Variants in GRM8 observed in about 807,000 individuals in gnomAD.
GRM8 encodes the protein glutamate metabotropic receptor 8, also known as metabotropic glutamate receptor 8.
A neutral mutation model predicts 87.2 loss-of-function variants in GRM8; 47 were observed. The observed-to-expected ratio is 0.54, with a 90% CI of 0.43 to 0.69. The LOEUF (loss-of-function observed/expected upper bound fraction) is 0.69, where lower values mean the gene tolerates loss of function less well. Ranked by LOEUF, GRM8 falls within the 30% of genes least tolerant of loss-of-function variation. The pLI is 0.00. For missense variants in GRM8, 1,019 were observed against 1,139.2 expected (o/e 0.89, Z 1.52); for synonymous variants, 396 against 404.5 (o/e 0.98, Z 0.25).
At chr7:127,038,224 T>C (rs943898429) in intron 3 of GRM8, among the ~76,000 whole-genome samples, 1 of 152,180 alleles carries the variant, frequency 6.6e-6, no homozygotes, top group African/African-American at 2.4e-5. Context: ...TAGCAAGATA[T>C]GCCTGGAAAT....
At chr7:126,718,939 T>C (rs1812069539) in intron 7 of GRM8, among the ~76,000 whole-genome samples, 1 of 152,256 alleles carries the variant, frequency 6.6e-6, no homozygotes, top group South Asian at 2.1e-4. Flanking sequence ...GTCTGTACCA[T>C]TATCTTTCAT....
At chr7:126,779,231 C>T (rs537467845) in intron 6 of GRM8, among the ~76,000 whole-genome samples, 1 of 151,988 alleles carries the variant, frequency 6.6e-6, no homozygotes, top group East Asian at 1.9e-4. Context: ...TTTCATTTTC[C>T]AAATTGTGAA....
At chr7:127,156,190 C>T (rs1587152647) in intron 2 of GRM8, among the ~76,000 whole-genome samples, 1 of 152,154 alleles carries the variant, frequency 6.6e-6, no homozygotes, top group East Asian at 1.9e-4. Context: ...TAGGCTGGGG[C>T]TATGCATATG....
chr7:126,992,558 G>A (rs747090990), intron 3 of GRM8, among the ~76,000 whole-genome samples: 4 of 151,950 alleles, frequency 2.6e-5, no homozygotes, highest in Non-Finnish European at 4.4e-5. Flanking sequence ...GTGGGCACAG[G>A]CAGTTCATTA....
At chr7:126,638,651 G>C (rs558850560) in intron 7 of GRM8, among the ~76,000 whole-genome samples, 6 of 152,230 alleles carry the variant, frequency 3.9e-5, no homozygotes, top group African/African-American at 1.4e-4. Flanking sequence ...AGGATAAAAA[G>C]CAATTGTCAA....
In GRM8 at chr7:126,847,232, GAAC is replaced by G. The variant is rs546180669; in HGVS notation, c.1156+55307_1156+55309del. On this transcript the variant is annotated intron_variant, in intron 6 of 10. Coordinates refer to ENST00000339582, the MANE Select transcript of GRM8 (RefSeq NM_000845.3). Reference sequence around the variant, plus strand: ...AACTGTTAATCAATTTGTTCTTATAGAACAACACTAGCTTTTTCCAGTTTTTGT... The same window carrying G: ...AACTGTTAATCAATTTGTTCTTATAGAACACTAGCTTTTTCCAGTTTTTGT... Among the ~76,000 whole-genome samples the G allele has an allele frequency of 3.3e-4, 51 of 152,246 alleles. 1 individual carries two copies. The East Asian group carries it at 9.3e-3, about 28-fold the overall frequency.
At chr7:126,844,412 T>C (rs566035671) in intron 6 of GRM8, among the ~76,000 whole-genome samples, 23 of 152,330 alleles carry the variant, frequency 1.5e-4, no homozygotes, top group African/African-American at 5.5e-4. Context: ...CAATCGTATA[T>C]AAATATGGAC....
chr7:126,849,829 C>G (rs1797045075), intron 6 of GRM8, among the ~76,000 whole-genome samples: 2 of 152,092 alleles, frequency 1.3e-5, no homozygotes. Context: ...CTTAGCCAAC[C>G]CTTCCACTTG....
At chr7:126,583,357 A>G (rs546343295) in intron 8 of GRM8, among the ~76,000 whole-genome samples, 1 of 150,210 alleles carries the variant, frequency 6.7e-6, no homozygotes, top group Admixed American at 6.6e-5. Flanking sequence ...ACTCTGTCTC[A>G]CACACACACA....
intron 3 of GRM8, among the ~76,000 whole-genome samples, chr7:127,099,534 C>A (rs1825015233): frequency 6.6e-6 from 1 of 152,166 alleles, no homozygotes; most frequent in African/African-American, 2.4e-5. Flanking sequence ...ATCACTTACC[C>A]CAGTCTGGAA....
At chr7:126,881,090 A>G (rs1476630191) in intron 6 of GRM8, among the ~76,000 whole-genome samples, 1 of 152,156 alleles carries the variant, frequency 6.6e-6, no homozygotes, top group South Asian at 2.1e-4. Context: ...TCTTTGATAT[A>G]TTTTCATATG....
chr7:127,146,598 AC>A (rs1354098131), intron 2 of GRM8, among the ~76,000 whole-genome samples: 1 of 152,054 alleles, frequency 6.6e-6, no homozygotes, highest in African/African-American at 2.4e-5. Context: ...GAATATGAGA[AC>A]CAGGACATAT....
At chr7:127,105,511 AC>A (rs1246980967) in intron 3 of GRM8, 3 of 152,178 alleles carry the variant, frequency 2.0e-5, no homozygotes, top group Non-Finnish European at 4.4e-5. Context: ...ATAACATCAG[AC>A]TTTTTGTCCT....
intron 3 of GRM8, among the ~76,000 whole-genome samples, chr7:126,979,748 A>T (rs1397609448): frequency 2.0e-5 from 3 of 152,208 alleles, no homozygotes; most frequent in Non-Finnish European, 4.4e-5. Flanking sequence ...CCTGGATCTC[A>T]CATAAGCTTG....
intron 2 of GRM8, among the ~76,000 whole-genome samples, chr7:127,116,144 T>C (rs1456467986): frequency 6.6e-6 from 1 of 152,206 alleles, no homozygotes; most frequent in Non-Finnish European, 1.5e-5. Context: ...GACTTTAATA[T>C]TCCAACTAAT....
At chr7:126,724,808 G>A (rs963520220) in intron 7 of GRM8, among the ~76,000 whole-genome samples, 10 of 151,398 alleles carry the variant, frequency 6.6e-5, no homozygotes, top group Non-Finnish European at 1.5e-4. Context: ...TACATCTCCT[G>A]TTATCTTCAA....
At chr7:127,176,747 G>A (rs767367229) in intron 2 of GRM8, among the ~76,000 whole-genome samples, 1 of 152,198 alleles carries the variant, frequency 6.6e-6, no homozygotes, top group Non-Finnish European at 1.5e-5. Context: ...CAATGGAGAA[G>A]CTGAAGGTCT....
Position 127,174,865 on chromosome 7 carries a change from G to A in GRM8, c.510+67830C>T, listed in dbSNP as rs568723503. Among the ~76,000 whole-genome samples the A allele has an allele frequency of 5.3e-5, 8 of 152,260 alleles. No homozygotes were observed. In the South Asian group the frequency reaches 1.5e-3, roughly 28 times the overall value. ...GTACGTAGGCTTCCATACTTCTGAA[G>A]CCTACATGTGAATGCTTATATTACA... is the stretch of plus-strand genomic sequence containing the variant. On this transcript the variant is annotated intron_variant, in intron 2 of 10. Transcript: ENST00000339582.
chr7:126,872,839 T>G (rs570128315), intron 6 of GRM8, among the ~76,000 whole-genome samples: 1 of 152,264 alleles, frequency 6.6e-6, no homozygotes, highest in East Asian at 1.9e-4. Flanking sequence ...TTTGAGCCGC[T>G]CTTTAATTTT....
Sources: gnomAD v4.1 joint callset for allele counts (sites outside exome capture counted in the v4.1 genomes callset) on GRCh38, gnomAD v4.1.1 for gene constraint, MANE v1.5 for transcripts, NCBI Gene and HGNC (gene_info 2026-07-23, HGNC 2026-07-21) for gene names.